The following DAB1 variants were observed in gnomAD, a reference collection of about 807,000 sequenced individuals.
DAB1 encodes the protein DAB adaptor protein 1.
Under a neutral mutation model 64.6 loss-of-function variants are expected in DAB1, and 15 were observed. That is an observed-to-expected ratio of 0.23 (90% CI 0.16 to 0.36). DAB1 has a LOEUF of 0.36. Ranked by LOEUF, DAB1 falls within the 10% of genes least tolerant of loss-of-function variation. The probability of loss-of-function intolerance (pLI) is 1.00; values close to 1 mark genes in which losing one functional copy is unlikely to be tolerated. For missense variants in DAB1, 596 were observed against 706.7 expected, an observed-to-expected ratio of 0.84 and a Z score of 1.78; for synonymous variants, 235 against 251.9, an observed-to-expected ratio of 0.93 and a Z score of 0.64.
chr1:57,006,435 T>G (rs2100250834), intron 14 of DAB1, among the ~76,000 whole-genome samples: 1 of 152,308 alleles, frequency 6.6e-6, no homozygotes, highest in East Asian at 1.9e-4. Flanking sequence ...TCATCCTACC[T>G]TATGTCCTCT....
chr1:57,198,649 T>TCTCACACACACACA (rs1477522407), intron 2 of DAB1, among the ~76,000 whole-genome samples: 10 of 128,264 alleles, frequency 7.8e-5, no homozygotes, highest in African/African-American at 3.0e-4. Flanking sequence ...CTTCTCTCTC[T>TCTCACACACACACA]CACACACACA....
intron 4 of DAB1, among the ~76,000 whole-genome samples, chr1:57,135,587 T>C (rs1019896416): frequency 1.3e-5 from 2 of 152,226 alleles, no homozygotes; most frequent in Non-Finnish European, 2.9e-5. Context: ...ATCCATTCTA[T>C]TACTAGTTAT....
At chr1:58,432,635 C>T (rs913694473) in intron 3 of DAB1, among the ~76,000 whole-genome samples, 3 of 152,212 alleles carry the variant, frequency 2.0e-5, no homozygotes, top group Non-Finnish European at 2.9e-5. Flanking sequence ...CCTGCTGTCA[C>T]TCCTCCCCCT....
chr1:58,220,991 A>ATT lies in DAB1; in HGVS notation n.310-70405_310-70404dup, dbSNP rs10714614. 5.7e-3 allele frequency among the ~76,000 whole-genome samples: 691 copies of ATT among 122,124 alleles called. 8 individuals are homozygous for ATT. Among genetic ancestry groups the ATT allele is most frequent in the African/African-American group, 0.02 (651 of 32,550 alleles). 80.1% of individuals were successfully genotyped at this position (122,124 alleles called of 152,430 possible). ...GCCCAGGTGGAAAGCTATGAGATTG[A>ATT]TTTTTTTTTTTTTTTTTTTTTTTAC... On this transcript the variant is annotated intron_variant and non_coding_transcript_variant, in intron 4 of 20. Transcript: ENST00000485760.
intron 4 of DAB1, among the ~76,000 whole-genome samples, chr1:57,119,965 T>C (rs539558075): frequency 6.6e-6 from 1 of 152,330 alleles, no homozygotes; most frequent in South Asian, 2.1e-4. Flanking sequence ...AGCCTCTTTT[T>C]CTTTCTTCCT....
At chr1:57,566,954 C>G (rs972015636) in intron 7 of DAB1, among the ~76,000 whole-genome samples, 5 of 152,150 alleles carry the variant, frequency 3.3e-5, no homozygotes, top group African/African-American at 1.2e-4. Flanking sequence ...GATACCAAAG[C>G]CTGGCAGAGA....
At position 58,194,136 on chromosome 1, in the gene DAB1, G is replaced by A. The variant is rs1570469337; in HGVS notation, n.310-43548C>T. Among the ~76,000 whole-genome samples the A allele has an allele frequency of 1.3e-5, 2 of 152,162 alleles. 1 individual carries two copies. The highest frequency in any genetic ancestry group is 4.1e-4 in the South Asian group (2 of 4,824). ...ATTCAACTGGGGCATCTGAAGAAAT[G>A]TTTTTATTTTAATTTACTTCTCAGA... On this transcript the variant is annotated intron_variant and non_coding_transcript_variant, in intron 4 of 20. Coordinates refer to the DAB1 transcript ENST00000485760.
intron 3 of DAB1, among the ~76,000 whole-genome samples, chr1:58,432,915 TCAGGG>T (rs1557758685): frequency 6.6e-6 from 1 of 152,202 alleles, no homozygotes; most frequent in Admixed American, 6.5e-5. Context: ...CGTGACGACA[TCAGGG>T]AAGAGGGCTG....
chr1:57,957,619 CA>C (rs1470097240), intron 5 of DAB1, among the ~76,000 whole-genome samples: 5 of 151,898 alleles, frequency 3.3e-5, no homozygotes, highest in African/African-American at 1.2e-4. Flanking sequence ...ATGGGGTTAC[CA>C]AAAAAGTGAG....
chr1:57,795,731 A>ATATATATATATC (rs1650827811), intron 6 of DAB1, among the ~76,000 whole-genome samples: 1 of 113,014 alleles, frequency 8.8e-6, no homozygotes, highest in Admixed American at 8.8e-5. Flanking sequence ...ATATATATAT[A>ATATATATATATC]TATCATACAC....
chr1:57,516,823 T>C (rs1644468813), intron 7 of DAB1, among the ~76,000 whole-genome samples: 1 of 152,216 alleles, frequency 6.6e-6, no homozygotes, highest in African/African-American at 2.4e-5. Flanking sequence ...CTGGCTCTAT[T>C]GAAATGCTAC....
rs550401408 is a variant in DAB1 at position 57,637,575 on chromosome 1, G to T, written n.625+12017C>A. Among the ~76,000 whole-genome samples the T allele has an allele frequency of 3.0e-4, 45 of 152,302 alleles. No individual in the cohort carries two copies. In the East Asian group the frequency reaches 8.7e-3, roughly 29 times the overall value. On this transcript the variant is annotated intron_variant and non_coding_transcript_variant, in intron 7 of 20. Transcript: ENST00000485760. ...TATCAAAACCAAGGCAGGTCGGCAG[G>T]TGAGGGTAACATGGGAGGCAGGGTT...
chr1:58,325,553 A>T (rs1308186974), intron 4 of DAB1, among the ~76,000 whole-genome samples: 1 of 152,194 alleles, frequency 6.6e-6, no homozygotes, highest in East Asian at 1.9e-4. Flanking sequence ...AAGTATATTA[A>T]GCTTTGATCT....
intron 4 of DAB1, among the ~76,000 whole-genome samples, chr1:58,267,826 A>C (rs534909136): frequency 2.4e-4 from 36 of 152,266 alleles, no homozygotes; most frequent in Non-Finnish European, 4.3e-4. Context: ...ATCTATTTAG[A>C]TCATTGGACT....
At chr1:58,211,923 A>G (rs1476478423) in intron 4 of DAB1, among the ~76,000 whole-genome samples, 1 of 152,154 alleles carries the variant, frequency 6.6e-6, no homozygotes, top group Non-Finnish European at 1.5e-5. Context: ...ATGATCCACA[A>G]GGCCAATACA....
intron 2 of DAB1, among the ~76,000 whole-genome samples, chr1:57,234,421 GATAAAA>G (rs1667934493): frequency 6.6e-6 from 1 of 152,084 alleles, no homozygotes; most frequent in Admixed American, 6.6e-5. Context: ...TGAGTATGGT[GATAAAA>G]ATAAAAGATA....
intron 2 of DAB1, among the ~76,000 whole-genome samples, chr1:58,511,561 C>T (rs1000552135): frequency 2.6e-5 from 4 of 151,872 alleles, no homozygotes; most frequent in African/African-American, 4.8e-5. Context: ...CCTGGGAAGT[C>T]GAGGCTAGAG....
chr1:57,695,323 A>G (rs993798338), intron 6 of DAB1, among the ~76,000 whole-genome samples: 26 of 118,586 alleles, frequency 2.2e-4, no homozygotes, highest in African/African-American at 7.8e-4. Flanking sequence ...AAAGAAAGAA[A>G]GAAAGAAAGA....
At position 58,518,345 on chromosome 1, in the gene DAB1, G is replaced by A. The variant is rs555700042; in HGVS notation, n.107+8916C>T. On this transcript the variant is annotated intron_variant and non_coding_transcript_variant, in intron 2 of 20. Coordinates refer to the DAB1 transcript ENST00000485760. Reference sequence around the variant, plus strand: ...GAAGAGAAGAGAAGAGAAGAGAAGAGAAGAGAAGGGAAGGGAAGAGAAGAG... The same window carrying A: ...GAAGAGAAGAGAAGAGAAGAGAAGAAAAGAGAAGGGAAGGGAAGAGAAGAG... Among the ~76,000 whole-genome samples, 106 of 112,248 alleles carry A rather than the reference G, an allele frequency of 9.4e-4. 8 individuals are homozygous for A. The highest frequency in any genetic ancestry group is 1.7e-3 in the Non-Finnish European group (95 of 54,692). 73.6% of individuals were successfully genotyped at this position (112,248 alleles called of 152,430 possible).
Sources: gnomAD v4.1 joint callset for allele counts (sites outside exome capture counted in the v4.1 genomes callset) on GRCh38, gnomAD v4.1.1 for gene constraint, MANE v1.5 for transcripts, NCBI Gene and HGNC (gene_info 2026-07-23, HGNC 2026-07-21) for gene names.